TSHZ1: variants seen among roughly 807,000 people sequenced by gnomAD.
The protein encoded by TSHZ1 is teashirt zinc finger homeobox 1, also known as teashirt homolog 1.
Under a neutral mutation model 67.1 loss-of-function variants are expected in TSHZ1, and 12 were observed. That is an observed-to-expected ratio of 0.18 (90% CI 0.11 to 0.29). TSHZ1 has a LOEUF of 0.29. Among genes scored for constraint, TSHZ1 ranks in the 10% least tolerant of loss-of-function variants. The pLI is 1.00. For synonymous variants in TSHZ1, 632 were observed against 622.4 expected (o/e 1.02, Z -0.23); for missense variants, 1,305 against 1,413.9 (o/e 0.92, Z 1.23).
chr18:75,264,253 A>G (rs1568363692), intron 1 of TSHZ1, among the ~76,000 whole-genome samples: 1 of 152,224 alleles, frequency 6.6e-6, no homozygotes, highest in Non-Finnish European at 1.5e-5. Flanking sequence ...TGAAAACAAT[A>G]TGTCATCCAG....
At chr18:75,278,476 T>G (rs1312160765) in intron 1 of TSHZ1, among the ~76,000 whole-genome samples, 1 of 152,178 alleles carries the variant, frequency 6.6e-6, no homozygotes, top group Non-Finnish European at 1.5e-5. Flanking sequence ...AAACTCTAAA[T>G]GAAACTCTGT....
rs2023683828 is a variant in TSHZ1, at chr18:75,281,449, T to G, written c.41-3999T>G. Among the ~76,000 whole-genome samples the G allele has an allele frequency of 1.3e-5, 2 of 152,148 alleles. No individual in the cohort carries two copies. Among genetic ancestry groups the G allele is most frequent in the South Asian group, 2.1e-4 (1 of 4,826 alleles). On this transcript the variant is annotated intron_variant, in intron 1 of 1. Coordinates refer to ENST00000580243, the MANE Select transcript of TSHZ1 (RefSeq NM_001308210.2). This position sits in a 1 kb window ranked among gnomAD's most constrained non-coding sequence, Gnocchi z 5.3. ...TGTGATGTGGAGCACCCGTGTCACATTAGATCTGTGGCAGAACAGTGGGGC... is the reference window on the plus strand; with the variant it reads ...TGTGATGTGGAGCACCCGTGTCACAGTAGATCTGTGGCAGAACAGTGGGGC...
intron 1 of TSHZ1, among the ~76,000 whole-genome samples, chr18:75,224,354 G>C (rs2022892826): frequency 6.6e-6 from 1 of 152,212 alleles, no homozygotes; most frequent in South Asian, 2.1e-4. Context: ...GTCCCTGACA[G>C]ATGTCTGTTC....
chr18:75,261,688 A>G (rs1055585321), intron 1 of TSHZ1, among the ~76,000 whole-genome samples: 8 of 152,232 alleles, frequency 5.3e-5, no homozygotes, highest in African/African-American at 7.2e-5. Context: ...TAAATGACTG[A>G]TAAGAGGAAG....
In TSHZ1 at chr18:75,287,524, G is replaced by T; in HGVS notation, c.2117G>T (p.Gly706Val). The T allele has an allele frequency of 6.2e-7, 1 of 1,614,184 alleles. No individual in the cohort carries two copies. Among genetic ancestry groups the T allele is most frequent in the Non-Finnish European group, 8.5e-7 (1 of 1,180,044 alleles). The stretch of plus-strand genomic sequence containing the variant: ...GAGACTGGGAAGGCCAAAAAGGAGG[G>T]ACCGCTGGACGTTCACACCCCAAAT... ...EAETGKAKKEGPLDVHTPNGT... is the reference protein window; with the variant it reads ...EAETGKAKKEVPLDVHTPNGT... Residue 706 changes from glycine to valine, a missense_variant, in exon 2 of 2, where the codon GGA becomes GTA. This residue lies in a region of TSHZ1 where 909 missense variants were observed against 961.8 expected (regional missense o/e 0.95). Transcript: ENST00000580243. This position sits in a 1 kb window ranked among gnomAD's most constrained non-coding sequence, Gnocchi z 5.0.
chr18:75,228,013 T>C (rs2022947906), intron 1 of TSHZ1, among the ~76,000 whole-genome samples: 1 of 152,210 alleles, frequency 6.6e-6, no homozygotes, highest in Non-Finnish European at 1.5e-5. Flanking sequence ...ATATCGGAGT[T>C]ATGGTGTCAT....
chr18:75,271,791 C>A (rs2023561535), intron 1 of TSHZ1, among the ~76,000 whole-genome samples: 1 of 145,596 alleles, frequency 6.9e-6, no homozygotes, highest in East Asian at 2.2e-4. Flanking sequence ...TTATCACTGA[C>A]AAAGGTTTCT....
intron 1 of TSHZ1, among the ~76,000 whole-genome samples, chr18:75,213,719 C>G (rs2022729816): frequency 6.6e-6 from 1 of 151,942 alleles, no homozygotes; most frequent in South Asian, 2.1e-4. Flanking sequence ...AACAAGCCGT[C>G]AAGGCGACTT....
At chr18:75,229,154 C>T (rs1484287260) in intron 1 of TSHZ1, among the ~76,000 whole-genome samples, 1 of 152,252 alleles carries the variant, frequency 6.6e-6, no homozygotes, top group African/African-American at 2.4e-5. Context: ...ACATGCCATC[C>T]CAGGGCAATC....
intron 1 of TSHZ1, among the ~76,000 whole-genome samples, chr18:75,247,944 C>A (rs2122560305): frequency 6.6e-6 from 1 of 150,832 alleles, no homozygotes; most frequent in East Asian, 1.9e-4. Flanking sequence ...AGCCACAGTG[C>A]AGGCAAAGTG....
Position 75,285,269 on chromosome 18 carries a change from G to C in TSHZ1, c.41-179G>C, listed in dbSNP as rs928368269. The C allele has an allele frequency of 2.5e-5, 15 of 589,574 alleles. No individual in the cohort carries two copies. In the African/African-American group the frequency reaches 2.8e-4, roughly 11 times the overall value. The allele number at this position is 589,574 out of a possible 1,614,324, so 36.5% of individuals were successfully genotyped here. A position where few individuals can be genotyped will look rare whatever the true frequency, so the allele number is the denominator to read the frequency against. ...CCTTTGCTAAAGACACACTCAGGAG[G>C]GGACAGCACCTTTTGAAACCTAACT... On this transcript the variant is annotated intron_variant, in intron 1 of 1. Transcript: ENST00000580243.
rs567906632 is a variant in TSHZ1 at position 75,223,020 on chromosome 18, G to A, written c.40+11104G>A. On this transcript the variant is annotated intron_variant, in intron 1 of 1. Transcript: ENST00000580243. The stretch of plus-strand genomic sequence containing the variant: ...CATTTGTTCTGTAGAGCACCTGCTC[G>A]GAGTATTCTGTGGTACACCTCCCTG... Among the ~76,000 whole-genome samples, 7 of 152,272 alleles carry A rather than the reference G, an allele frequency of 4.6e-5. No individual in the cohort carries two copies. The East Asian group carries it at 5.8e-4, about 13-fold the overall frequency.
intron 1 of TSHZ1, among the ~76,000 whole-genome samples, chr18:75,226,272 T>A (rs2022924453): frequency 1.3e-5 from 2 of 152,310 alleles, no homozygotes. Flanking sequence ...AAAGGATTGG[T>A]CCTTTCTTGC....
intron 1 of TSHZ1, among the ~76,000 whole-genome samples, chr18:75,270,356 C>T (rs956720768): frequency 4.6e-5 from 7 of 152,164 alleles, no homozygotes; most frequent in Admixed American, 3.9e-4. Context: ...GTGGCTGGTC[C>T]AGAGGAAGGG....
chr18:75,223,943 T>C (rs2022883244), intron 1 of TSHZ1, among the ~76,000 whole-genome samples: 1 of 151,892 alleles, frequency 6.6e-6, no homozygotes, highest in Non-Finnish European at 1.5e-5. Context: ...TCATTCTTAA[T>C]GATACTTTTT....
rs73971568 is a variant in TSHZ1, at chr18:75,232,516, T to G, written c.40+20600T>G. 7.7e-3 allele frequency among the ~76,000 whole-genome samples: 1,175 copies of G among 152,324 alleles called. 19 individuals are homozygous for G. Among genetic ancestry groups the G allele is most frequent in the African/African-American group, 0.026 (1,091 of 41,558 alleles). On this transcript the variant is annotated intron_variant, in intron 1 of 1. Transcript: ENST00000580243. Reference sequence around the variant, plus strand: ...TTTCTCAACTTTGCATTGAGAGAGATATATATATCTTATTTATTTAGTAGG... The same window carrying G: ...TTTCTCAACTTTGCATTGAGAGAGAGATATATATCTTATTTATTTAGTAGG...
Position 75,288,027 on chromosome 18 carries a change from G to A in TSHZ1, c.2620G>A (p.Glu874Lys). ...CGATGCTGATGGCAGCAGCTTTGAG[G>A]AGGCGTTGGACGAGCTGTCACCGGT... is the stretch of plus-strand genomic sequence containing the variant. ...KSDADGSSFE[E>K]ALDELSPVHK... Residue 874 changes from glutamate (E) to lysine (K), a missense_variant, in exon 2 of 2, where the codon GAG becomes AAG. Glu to Lys is a moderately conservative substitution (Grantham distance 56). Around this residue, in one of 3 missense-constraint regions of TSHZ1, gnomAD observed 909 missense variants for 961.8 expected, o/e 0.95. Coordinates refer to ENST00000580243, the MANE Select transcript of TSHZ1 (RefSeq NM_001308210.2). This position sits in a 1 kb window ranked among gnomAD's most constrained non-coding sequence, Gnocchi z 4.9. 1.2e-6 allele frequency: 2 copies of A among 1,614,118 alleles called. No homozygotes were observed. Among genetic ancestry groups the A allele is most frequent in the Non-Finnish European group, 1.7e-6 (2 of 1,180,042 alleles).
intron 1 of TSHZ1, among the ~76,000 whole-genome samples, chr18:75,263,679 C>A (rs2023456273): frequency 6.6e-6 from 1 of 152,136 alleles, no homozygotes; most frequent in Non-Finnish European, 1.5e-5. Context: ...ACATTTCATA[C>A]AGATACAATA....
At chr18:75,257,479 TA>T (rs1329674379) in intron 1 of TSHZ1, among the ~76,000 whole-genome samples, 1 of 152,238 alleles carries the variant, frequency 6.6e-6, no homozygotes, top group Non-Finnish European at 1.5e-5. Flanking sequence ...GTGCTTGAAC[TA>T]ATACAACTTT....
Sources: allele counts gnomAD v4.1 joint callset (sites outside exome capture counted in the v4.1 genomes callset), GRCh38; gene constraint gnomAD v4.1.1; regional missense constraint gnomAD v4.1.1; non-coding constraint Gnocchi (gnomAD v3.1); transcripts MANE v1.5; gene names NCBI Gene and HGNC (gene_info 2026-07-23, HGNC 2026-07-21).